Variants in RABGAP1L observed in about 807,000 individuals in gnomAD.
RABGAP1L encodes RAB GTPase activating protein 1 like, also known as rab GTPase-activating protein 1-like.
A neutral mutation model predicts 137.7 loss-of-function variants in RABGAP1L; 63 were observed. That is an observed-to-expected ratio of 0.46 (90% CI 0.37 to 0.56). The LOEUF (loss-of-function observed/expected upper bound fraction) is 0.56. RABGAP1L is among the 20% of genes least tolerant of loss of function. The probability of loss-of-function intolerance (pLI) is 0.00; values close to 1 mark genes in which losing one functional copy is unlikely to be tolerated. For synonymous variants in RABGAP1L, 431 were observed against 433.7 expected (o/e 0.99, Z 0.08); for missense variants, 1,095 against 1,244.0 (o/e 0.88, Z 1.80).
chr1:174,904,433 A>G (rs1038327161), intron 19 of RABGAP1L, among the ~76,000 whole-genome samples: 41 of 152,172 alleles, frequency 2.7e-4, no homozygotes, highest in African/African-American at 9.2e-4. Context: ...GTTACCTGGC[A>G]GGAGACCTGT....
chr1:174,254,562 C>A (rs975300680), intron 7 of RABGAP1L, among the ~76,000 whole-genome samples: 1 of 152,122 alleles, frequency 6.6e-6, no homozygotes, highest in African/African-American at 2.4e-5. Flanking sequence ...CGTTCAGCTC[C>A]CACTTATGAG....
intron 19 of RABGAP1L, among the ~76,000 whole-genome samples, chr1:174,814,683 C>G (rs1690205515): frequency 6.6e-6 from 1 of 151,526 alleles, no homozygotes; most frequent in African/African-American, 2.4e-5. Flanking sequence ...GTTTTTTGTT[C>G]TATTGTATTG....
At position 174,433,768 on chromosome 1, in the gene RABGAP1L, C is replaced by T. The variant is rs534471979; in HGVS notation, c.1710+39623C>T. Among the ~76,000 whole-genome samples, 116 of 152,270 alleles carry T rather than the reference C, an allele frequency of 7.6e-4. 3 individuals are homozygous for T. The South Asian group carries it at 0.012, about 16-fold the overall frequency. On this transcript the variant is annotated intron_variant, in intron 13 of 25. Transcript: ENST00000681986. ...TCTCATTCTTTATGGCACATTGCTA[C>T]AAAGGATTCTGGTATGTTTCTTTTT...
chr1:174,887,908 G>T (rs1655434757), intron 19 of RABGAP1L, among the ~76,000 whole-genome samples: 1 of 152,080 alleles, frequency 6.6e-6, no homozygotes, highest in Admixed American at 6.6e-5. Context: ...GTGGTGGCAT[G>T]CGCCTGTAAT....
intron 13 of RABGAP1L, among the ~76,000 whole-genome samples, chr1:174,458,899 G>A (rs1436395247): frequency 2.0e-5 from 3 of 151,770 alleles, no homozygotes; most frequent in African/African-American, 7.3e-5. Flanking sequence ...CCAATAGGCC[G>A]TAAAACAAAA....
chr1:174,764,249 T>G (rs944135881), intron 18 of RABGAP1L, among the ~76,000 whole-genome samples: 2 of 152,272 alleles, frequency 1.3e-5, no homozygotes, highest in Admixed American at 1.3e-4. Context: ...TTGATTGTTA[T>G]GAATAATACT....
At chr1:174,749,914 G>A (rs995241855) in intron 17 of RABGAP1L, among the ~76,000 whole-genome samples, 1 of 152,084 alleles carries the variant, frequency 6.6e-6, no homozygotes, top group Admixed American at 6.5e-5. Flanking sequence ...GTCTCGCTCT[G>A]TCACCCAGGC....
rs201692363 is a variant in RABGAP1L at position 174,486,223 on chromosome 1, CTTT to C, written c.1710+92092_1710+92094del. Among the ~76,000 whole-genome samples the C allele has an allele frequency of 2.0e-4, 24 of 119,872 alleles. 1 individual carries two copies. Among genetic ancestry groups the C allele is most frequent in the African/African-American group, 5.6e-4 (18 of 32,342 alleles). 78.6% of individuals were successfully genotyped at this position (119,872 alleles called of 152,430 possible). ...GATTCTATTTATTTGGTTCTTTTTT[CTTT>C]TTTTTTTTTTTTTGTCTGGCTAAAT... is the stretch of plus-strand genomic sequence containing the variant. On this transcript the variant is annotated intron_variant, in intron 13 of 25. Coordinates refer to ENST00000681986, the MANE Select transcript of RABGAP1L (RefSeq NM_001366446.1).
chr1:174,977,283 A>G (rs1670728773), intron 22 of RABGAP1L, among the ~76,000 whole-genome samples: 1 of 152,092 alleles, frequency 6.6e-6, no homozygotes, highest in East Asian at 1.9e-4. Flanking sequence ...CAGGATATAT[A>G]TTTCTTACCT....
At chr1:174,961,883 G>A (rs1297060020) in intron 20 of RABGAP1L, among the ~76,000 whole-genome samples, 1 of 138,622 alleles carries the variant, frequency 7.2e-6, no homozygotes, top group Non-Finnish European at 1.5e-5. Flanking sequence ...ACGACCAGGT[G>A]CAGCAGCTCA....
At chr1:174,563,819 G>C (rs1276561186) in intron 13 of RABGAP1L, among the ~76,000 whole-genome samples, 1 of 151,978 alleles carries the variant, frequency 6.6e-6, no homozygotes, top group Non-Finnish European at 1.5e-5. Context: ...TGAATGAATG[G>C]GGGGAAAGCT....
At chr1:174,687,890 G>A (rs1678597407) in intron 15 of RABGAP1L, among the ~76,000 whole-genome samples, 2 of 152,172 alleles carry the variant, frequency 1.3e-5, no homozygotes, top group African/African-American at 4.8e-5. Flanking sequence ...GAATTTTTAG[G>A]ATTTTTTCGT....
chr1:174,724,947 C>A (rs956602974), intron 17 of RABGAP1L, among the ~76,000 whole-genome samples: 8 of 152,188 alleles, frequency 5.3e-5, no homozygotes, highest in African/African-American at 1.7e-4. Context: ...TCTTGGGTGG[C>A]AGGTTCTAAA....
At chr1:174,179,951 C>T (rs1459568276) in intron 1 of RABGAP1L, among the ~76,000 whole-genome samples, 2 of 151,896 alleles carry the variant, frequency 1.3e-5, no homozygotes, top group Non-Finnish European at 2.9e-5. Flanking sequence ...GTTAAAGTCT[C>T]AGAATATATT....
intron 7 of RABGAP1L, among the ~76,000 whole-genome samples, chr1:174,266,863 A>G (rs957531897): frequency 7.9e-5 from 12 of 152,352 alleles, no homozygotes; most frequent in African/African-American, 2.9e-4. Context: ...GTGAAATTGC[A>G]TGTAATTTTA....
intron 13 of RABGAP1L, among the ~76,000 whole-genome samples, chr1:174,597,889 C>G (rs981961108): frequency 6.6e-6 from 1 of 152,084 alleles, no homozygotes; most frequent in Admixed American, 6.5e-5. Context: ...GAATTTCCTT[C>G]TTAATTTCTT....
intron 19 of RABGAP1L, among the ~76,000 whole-genome samples, chr1:174,866,079 G>T (rs965627091): frequency 2.7e-5 from 4 of 148,806 alleles, no homozygotes; most frequent in Non-Finnish European, 4.4e-5. Flanking sequence ...TTGAGAGAGA[G>T]TGAAGGAGAG....
intron 1 of RABGAP1L, among the ~76,000 whole-genome samples, chr1:174,165,351 T>C (rs964234080): frequency 6.6e-6 from 1 of 152,194 alleles, no homozygotes; most frequent in Non-Finnish European, 1.5e-5. Flanking sequence ...GGTTTCGCCA[T>C]GTTGGCCCGG....
intron 13 of RABGAP1L, among the ~76,000 whole-genome samples, chr1:174,614,197 G>C (rs544308382): frequency 6.6e-6 from 1 of 150,654 alleles, no homozygotes; most frequent in South Asian, 2.1e-4. Flanking sequence ...GGCTGGTACC[G>C]GTTGTTCCTT....
Sources: allele counts gnomAD v4.1 joint callset (sites outside exome capture counted in the v4.1 genomes callset), GRCh38; gene constraint gnomAD v4.1.1; transcripts MANE v1.5; gene names NCBI Gene and HGNC (gene_info 2026-07-23, HGNC 2026-07-21).